The following GRXCR1 variants were observed in gnomAD, a reference collection of about 807,000 sequenced individuals.
GRXCR1 encodes the protein glutaredoxin and cysteine rich domain containing 1.
A neutral mutation model predicts 27.3 loss-of-function variants in GRXCR1; 27 were observed. The observed-to-expected ratio is 0.99, with a 90% CI of 0.73 to 1.37. GRXCR1 has a LOEUF of 1.37. Ranked by LOEUF, GRXCR1 falls within the 40% of genes most tolerant of loss-of-function variation. The pLI, the probability that GRXCR1 is intolerant of heterozygous loss-of-function variation, is 0.00. For missense variants in GRXCR1, 379 were observed against 354.4 expected (o/e 1.07, Z -0.56); for synonymous variants, 122 against 131.1 (o/e 0.93, Z 0.47).
intron 2 of GRXCR1, among the ~76,000 whole-genome samples, chr4:43,006,183 A>G (rs1712552230): frequency 6.6e-6 from 1 of 152,208 alleles, no homozygotes; most frequent in Admixed American, 6.5e-5. Flanking sequence ...GAGGATGTAT[A>G]TCGCCTCAGG....
chr4:43,026,966 GA>G (rs1290453572), intron 3 of GRXCR1, among the ~76,000 whole-genome samples: 1 of 152,168 alleles, frequency 6.6e-6, no homozygotes, highest in East Asian at 1.9e-4. Context: ...CACATGAATT[GA>G]AACACATTTA....
At chr4:42,901,175 C>T (rs547289659) in intron 1 of GRXCR1, among the ~76,000 whole-genome samples, 86 of 152,080 alleles carry the variant, frequency 5.7e-4, no homozygotes, top group Non-Finnish European at 1.0e-3. Context: ...ATAAAGCCTG[C>T]GGTATCCATA....
chr4:42,903,004 G>A (rs1746496542), intron 1 of GRXCR1, among the ~76,000 whole-genome samples: 1 of 152,126 alleles, frequency 6.6e-6, no homozygotes, highest in African/African-American at 2.4e-5. Flanking sequence ...TGTTGTCAGA[G>A]TATAAACATT....
At chr4:42,919,443 A>G (rs990382010) in intron 1 of GRXCR1, among the ~76,000 whole-genome samples, 8 of 152,148 alleles carry the variant, frequency 5.3e-5, no homozygotes, top group African/African-American at 1.9e-4. Flanking sequence ...TGGTATTTTA[A>G]AAGTGTGCCA....
At chr4:42,927,586 G>A (rs756820892) in intron 1 of GRXCR1, among the ~76,000 whole-genome samples, 1 of 151,924 alleles carries the variant, frequency 6.6e-6, no homozygotes, top group Non-Finnish European at 1.5e-5. Flanking sequence ...TGCTACCTGG[G>A]AGAGAGAGAT....
At position 43,022,057 on chromosome 4, in the gene GRXCR1, C is replaced by A. The variant is rs140893778; in HGVS notation, c.693+1638C>A. On this transcript the variant is annotated intron_variant, in intron 3 of 3. Coordinates refer to ENST00000399770, the MANE Select transcript of GRXCR1 (RefSeq NM_001080476.3). ...GCTGTATGAATGGATCTATTTATTT[C>A]TTTCTGTTCTCATATACTACCCCAA... Among the ~76,000 whole-genome samples, 7 of 152,226 alleles carry A rather than the reference C, an allele frequency of 4.6e-5. No homozygotes were observed. In the East Asian group the frequency reaches 9.6e-4, roughly 21 times the overall value.
At chr4:42,903,098 G>T (rs1746498402) in intron 1 of GRXCR1, among the ~76,000 whole-genome samples, 1 of 152,108 alleles carries the variant, frequency 6.6e-6, no homozygotes, top group Non-Finnish European at 1.5e-5. Context: ...TACAACCGGA[G>T]CCCGAAGGCT....
chr4:42,893,592 T>C lies in GRXCR1; in HGVS notation c.326T>C (p.Val109Ala). 1 of 1,613,688 alleles carries C rather than the reference T, an allele frequency of 6.2e-7. No individual in the cohort carries two copies. The highest frequency in any genetic ancestry group is 8.5e-7 in the Non-Finnish European group (1 of 1,179,760). Reference protein sequence around the residue: ...ILSKNGTVRGVKYKVSAGQAL... With the variant: ...ILSKNGTVRGAKYKVSAGQAL... ...AGCAAAAATGGCACAGTCAGAGGCGTCAAATACAAAGTGAGTGCTGGCCAG... is the reference window on the plus strand; with the variant it reads ...AGCAAAAATGGCACAGTCAGAGGCGCCAAATACAAAGTGAGTGCTGGCCAG... Residue 109 changes from valine to alanine, a missense_variant, in exon 1 of 4, where the codon GTC becomes GCC. Coordinates refer to ENST00000399770, the MANE Select transcript of GRXCR1 (RefSeq NM_001080476.3).
intron 1 of GRXCR1, among the ~76,000 whole-genome samples, chr4:42,898,996 T>C (rs1746409057): frequency 6.6e-6 from 1 of 152,104 alleles, no homozygotes; most frequent in African/African-American, 2.4e-5. Flanking sequence ...TACTGATATT[T>C]ATGCACAATT....
At chr4:42,910,050 G>A (rs10470754) in intron 1 of GRXCR1, among the ~76,000 whole-genome samples, 151,006 of 152,242 alleles carry the variant, frequency 0.99, 74,902 homozygotes, top group Middle Eastern at 1. Context: ...GCCTCAGGAA[G>A]CTTACAATCA....
chr4:43,001,729 G>A (rs1203654225), intron 2 of GRXCR1, among the ~76,000 whole-genome samples: 2 of 152,192 alleles, frequency 1.3e-5, no homozygotes, highest in African/African-American at 4.8e-5. Flanking sequence ...ACAAAGTATA[G>A]AGAAGCAACA....
chr4:42,988,947 C>T (rs1039540413), intron 2 of GRXCR1, among the ~76,000 whole-genome samples: 1 of 152,078 alleles, frequency 6.6e-6, no homozygotes, highest in Admixed American at 6.6e-5. Flanking sequence ...ATATAACAGG[C>T]AAAAATTTTC....
chr4:42,894,260 T>C (rs1351350010), intron 1 of GRXCR1, among the ~76,000 whole-genome samples: 2 of 152,102 alleles, frequency 1.3e-5, no homozygotes. Flanking sequence ...AGATCTAGAT[T>C]TTGTATAATA....
At chr4:42,925,788 A>G (rs1747143880) in intron 1 of GRXCR1, among the ~76,000 whole-genome samples, 1 of 151,950 alleles carries the variant, frequency 6.6e-6, no homozygotes, top group African/African-American at 2.4e-5. Context: ...ATGGAGAAAC[A>G]CAGGTAGTCT....
At chr4:42,898,505 G>A (rs1028575385) in intron 1 of GRXCR1, among the ~76,000 whole-genome samples, 4 of 151,942 alleles carry the variant, frequency 2.6e-5, no homozygotes, top group Non-Finnish European at 4.4e-5. Flanking sequence ...CTGGTTCACT[G>A]AATCAAACTC....
At position 42,995,533 on chromosome 4, in the gene GRXCR1, T is replaced by A. The variant is rs1165396387; in HGVS notation, c.628-24821T>A. Among the ~76,000 whole-genome samples, 3 of 152,110 alleles carry A rather than the reference T, an allele frequency of 2.0e-5. No individual in the cohort carries two copies. In the East Asian group the frequency reaches 5.8e-4, roughly 29 times the overall value. The stretch of plus-strand genomic sequence containing the variant: ...ACAATTGTGTACCAACCACTAGGAG[T>A]CACTAGTTTACCACATCCTCACTGC... On this transcript the variant is annotated intron_variant, in intron 2 of 3. Coordinates refer to ENST00000399770, the MANE Select transcript of GRXCR1 (RefSeq NM_001080476.3).
chr4:43,024,280 T>A (rs1209908172), intron 3 of GRXCR1, among the ~76,000 whole-genome samples: 2 of 151,486 alleles, frequency 1.3e-5, no homozygotes, highest in Non-Finnish European at 2.9e-5. Flanking sequence ...TATTTGTTCA[T>A]GAAGAACCGA....
chr4:42,912,260 G>A (rs936470262), intron 1 of GRXCR1, among the ~76,000 whole-genome samples: 1 of 152,106 alleles, frequency 6.6e-6, no homozygotes, highest in Non-Finnish European at 1.5e-5. Flanking sequence ...TTGTAGGTTA[G>A]GAAGAAACCA....
At chr4:42,980,960 G>GTT (rs71201822) in intron 2 of GRXCR1, among the ~76,000 whole-genome samples, 4,208 of 143,584 alleles carry the variant, frequency 0.029, 65 homozygotes, top group African/African-American at 0.038. Flanking sequence ...TTTTTTTTGT[G>GTT]TTTTTTTTTT....
Sources: allele counts gnomAD v4.1 joint callset (sites outside exome capture counted in the v4.1 genomes callset), GRCh38; gene constraint gnomAD v4.1.1; transcripts MANE v1.5; gene names NCBI Gene and HGNC (gene_info 2026-07-23, HGNC 2026-07-21).